LRRC7: variants seen among roughly 807,000 people sequenced by gnomAD.
The protein encoded by LRRC7 is leucine rich repeat containing 7.
A neutral mutation model predicts 175.7 loss-of-function variants in LRRC7; 23 were observed. The observed-to-expected ratio is 0.13, with a 90% CI of 0.09 to 0.19. The LOEUF (loss-of-function observed/expected upper bound fraction) is 0.19. Ranked by LOEUF, LRRC7 falls within the 10% of genes least tolerant of loss-of-function variation. The pLI, the probability that LRRC7 is intolerant of heterozygous loss-of-function variation, is 1.00. For synonymous variants in LRRC7, 685 were observed against 680.9 expected (o/e 1.01, Z -0.09); for missense variants, 1,354 against 1,904.7 (o/e 0.71, Z 5.38).
intron 10 of LRRC7, among the ~76,000 whole-genome samples, chr1:69,993,294 C>T (rs906541812): frequency 2.6e-5 from 4 of 152,136 alleles, no homozygotes; most frequent in African/African-American, 9.7e-5. Flanking sequence ...TTGCTCATAA[C>T]AGTCTGATAG....
chr1:69,966,620 C>A (rs1040728571), intron 8 of LRRC7, among the ~76,000 whole-genome samples: 1 of 152,196 alleles, frequency 6.6e-6, no homozygotes, highest in African/African-American at 2.4e-5. Flanking sequence ...CGGATTGCTC[C>A]TGCAGGACCT....
At chr1:69,995,493 G>A (rs969091256) in intron 11 of LRRC7, among the ~76,000 whole-genome samples, 37 of 151,700 alleles carry the variant, frequency 2.4e-4, no homozygotes, top group Non-Finnish European at 4.3e-4. Context: ...ATGCTGGTGC[G>A]CTGCACCCAC....
At chr1:69,896,249 G>C (rs1645976684) in intron 7 of LRRC7, among the ~76,000 whole-genome samples, 1 of 151,852 alleles carries the variant, frequency 6.6e-6, no homozygotes, top group Non-Finnish European at 1.5e-5. Flanking sequence ...GATCAAATCA[G>C]TATAATTGAG....
At chr1:69,903,697 C>CA (rs1407721361) in intron 7 of LRRC7, among the ~76,000 whole-genome samples, 13 of 152,018 alleles carry the variant, frequency 8.6e-5, no homozygotes, top group African/African-American at 2.9e-4. Flanking sequence ...AAAAACCCTT[C>CA]AAAAAATCAG....
At chr1:69,786,612 T>A (rs1433595936) in intron 3 of LRRC7, among the ~76,000 whole-genome samples, 1 of 152,068 alleles carries the variant, frequency 6.6e-6, no homozygotes, top group Non-Finnish European at 1.5e-5. Context: ...TGATGGAAGG[T>A]AAAAGGCACA....
chr1:69,736,886 G>A (rs543925122), intron 2 of LRRC7, among the ~76,000 whole-genome samples: 1 of 152,194 alleles, frequency 6.6e-6, no homozygotes, highest in South Asian at 2.1e-4. Context: ...ATTAATGTGA[G>A]ACAATAAGTT....
chr1:69,602,248 C>A (rs1185455574), intron 1 of LRRC7, among the ~76,000 whole-genome samples: 4 of 152,124 alleles, frequency 2.6e-5, no homozygotes, highest in Non-Finnish European at 5.9e-5. Context: ...ACATACATTT[C>A]ATTTTTTTTA....
intron 1 of LRRC7, among the ~76,000 whole-genome samples, chr1:69,590,750 T>C (rs1330278431): frequency 6.6e-6 from 1 of 152,152 alleles, no homozygotes; most frequent in East Asian, 1.9e-4. Context: ...TAGGCTCTTT[T>C]AGATAGTCTC....
At chr1:69,813,351 T>C (rs1678188699) in intron 4 of LRRC7, among the ~76,000 whole-genome samples, 1 of 152,088 alleles carries the variant, frequency 6.6e-6, no homozygotes, top group Non-Finnish European at 1.5e-5. Flanking sequence ...TACCAACTGA[T>C]TGAATTCATG....
At chr1:70,094,901 C>T (rs1336737045) in intron 25 of LRRC7, among the ~76,000 whole-genome samples, 2 of 152,098 alleles carry the variant, frequency 1.3e-5, no homozygotes, top group Admixed American at 1.3e-4. Context: ...ATGCCTATTT[C>T]CTGTCAGGTT....
chr1:70,081,466 AT>A (rs1007704188), intron 24 of LRRC7, among the ~76,000 whole-genome samples: 4 of 152,228 alleles, frequency 2.6e-5, no homozygotes, highest in Non-Finnish European at 5.9e-5. Flanking sequence ...TAATGTTGTG[AT>A]ATAGGTAGAG....
intron 18 of LRRC7, among the ~76,000 whole-genome samples, chr1:70,034,755 T>C (rs527891132): frequency 2.4e-4 from 36 of 152,298 alleles, no homozygotes; most frequent in African/African-American, 7.9e-4. Flanking sequence ...AAAACAAAAG[T>C]GTTGGACTAA....
In LRRC7 at chr1:69,895,747, T is replaced by C. The variant is rs557264863; in HGVS notation, c.648-35760T>C. On this transcript the variant is annotated intron_variant, in intron 7 of 26. Coordinates refer to ENST00000651989, the MANE Select transcript of LRRC7 (RefSeq NM_001370785.2). ...CTGAGCATAATTATTCTGGGATTGA[T>C]CCATGTTGTAATGTTTATCAGTTTT... Among the ~76,000 whole-genome samples the C allele has an allele frequency of 2.0e-4, 31 of 152,342 alleles. No individual in the cohort carries two copies. In the South Asian group the frequency reaches 5.4e-3, roughly 26 times the overall value.
At chr1:69,734,805 C>T (rs1667936546) in intron 2 of LRRC7, among the ~76,000 whole-genome samples, 1 of 151,734 alleles carries the variant, frequency 6.6e-6, no homozygotes, top group African/African-American at 2.4e-5. Context: ...TTTTATGCTT[C>T]AGACATTTTT....
At chr1:70,053,221 T>C in intron 23 of LRRC7, 76 bp downstream of exon 23, 2 of 1,295,404 alleles carry the variant, frequency 1.5e-6, no homozygotes, top group Non-Finnish European at 2.0e-6. Flanking sequence ...ATATTTTGTG[T>C]CTTATCATAA....
intron 8 of LRRC7, among the ~76,000 whole-genome samples, chr1:69,972,152 C>T (rs1381981029): frequency 6.6e-6 from 1 of 152,150 alleles, no homozygotes; most frequent in African/African-American, 2.4e-5. Context: ...AAATCTAAGA[C>T]CGGAAACTAC....
intron 24 of LRRC7, among the ~76,000 whole-genome samples, chr1:70,077,942 T>A (rs1369062280): frequency 6.6e-6 from 1 of 152,288 alleles, no homozygotes; most frequent in African/African-American, 2.4e-5. Flanking sequence ...AACTCAGAAT[T>A]GTAGAACTGC....
intron 2 of LRRC7, among the ~76,000 whole-genome samples, chr1:69,750,960 A>G (rs1033441160): frequency 1.3e-5 from 2 of 152,162 alleles, no homozygotes; most frequent in African/African-American, 2.4e-5. Flanking sequence ...GCTAATGCAT[A>G]TGGGATTATG....
intron 7 of LRRC7, among the ~76,000 whole-genome samples, chr1:69,927,719 T>A (rs915190350): frequency 1.1e-4 from 17 of 152,146 alleles, no homozygotes; most frequent in African/African-American, 4.1e-4. Flanking sequence ...CTAAATTTTT[T>A]TCAAAATTTT....
Sources: allele counts gnomAD v4.1 joint callset (sites outside exome capture counted in the v4.1 genomes callset), GRCh38; gene constraint gnomAD v4.1.1; transcripts MANE v1.5; gene names NCBI Gene and HGNC (gene_info 2026-07-23, HGNC 2026-07-21).